PPP1R16B: variants seen among roughly 807,000 people sequenced by gnomAD.
The protein encoded by PPP1R16B is protein phosphatase 1 regulatory subunit 16B.
In PPP1R16B, 14 loss-of-function variants were observed where a neutral mutation model predicts 61.7. The observed-to-expected ratio is 0.23, with a 90% CI of 0.15 to 0.35. The LOEUF is 0.35. Ranked by LOEUF, PPP1R16B falls within the 10% of genes least tolerant of loss-of-function variation. The pLI is 1.00. For missense variants in PPP1R16B, 547 were observed against 752.5 expected, an observed-to-expected ratio of 0.73 and a Z score of 3.19; for synonymous variants, 266 against 305.3, an observed-to-expected ratio of 0.87 and a Z score of 1.34.
chr20:38,834,728 T>C (rs1305819083), intron 1 of PPP1R16B, among the ~76,000 whole-genome samples: 1 of 152,132 alleles, frequency 6.6e-6, no homozygotes, highest in African/African-American at 2.4e-5. Context: ...TTTTTAAGAA[T>C]AGCATTAATT....
intron 1 of PPP1R16B, among the ~76,000 whole-genome samples, chr20:38,824,469 C>T (rs1177811441): frequency 6.6e-6 from 1 of 152,008 alleles, no homozygotes; most frequent in Non-Finnish European, 1.5e-5. Flanking sequence ...GAGATTTTCC[C>T]AGTTCCTTCT....
chr20:38,814,101 G>A (rs945358071), intron 1 of PPP1R16B, among the ~76,000 whole-genome samples: 2 of 152,086 alleles, frequency 1.3e-5, no homozygotes, highest in Non-Finnish European at 2.9e-5. Context: ...CTGGCCAGGT[G>A]TGACTTTAGT....
At chr20:38,849,515 C>T (rs572800435) in intron 2 of PPP1R16B, among the ~76,000 whole-genome samples, 10 of 152,234 alleles carry the variant, frequency 6.6e-5, no homozygotes, top group African/African-American at 1.7e-4. Flanking sequence ...TCACTTTCCT[C>T]GTTCTGGTTG....
chr20:38,908,268 T>C (rs2085462653), intron 10 of PPP1R16B, 75 bp downstream of exon 10: 3 of 1,557,646 alleles, frequency 1.9e-6, no homozygotes, highest in Non-Finnish European at 2.6e-6. Flanking sequence ...TGGCCTTGCC[T>C]CTTCAACTGA....
At chr20:38,827,612 G>C (rs375058587) in intron 1 of PPP1R16B, among the ~76,000 whole-genome samples, 81 of 152,300 alleles carry the variant, frequency 5.3e-4, no homozygotes, top group African/African-American at 1.9e-3. Context: ...CAGGAGATCT[G>C]TCTATGATGG....
chr20:38,907,676 C>T lies in PPP1R16B; in HGVS notation c.899-130C>T. 1 of 1,270,124 alleles carries T rather than the reference C, an allele frequency of 7.9e-7. No homozygotes were observed. The highest frequency in any genetic ancestry group is 1.1e-6 in the Non-Finnish European group (1 of 912,972). The allele number at this position is 1,270,124 out of a possible 1,614,324, so 78.7% of individuals were successfully genotyped here. A position where few individuals can be genotyped will look rare whatever the true frequency, so the allele number is the denominator to read the frequency against. ...ACTTTGGCTGGCATTGTTTTCTTGC[C>T]TCCCTGCATGCCCTGAAAGATGCTT... On this transcript the variant is annotated intron_variant, in intron 8 of 10. Coordinates refer to ENST00000299824, the MANE Select transcript of PPP1R16B (RefSeq NM_015568.4). The surrounding 1 kb of genome is among the most constrained non-coding windows in gnomAD (Gnocchi z 4.5).
intron 6 of PPP1R16B, 51 bp downstream of exon 6, chr20:38,902,843 G>A (rs1394284462): frequency 1.2e-6 from 2 of 1,611,454 alleles, no homozygotes; most frequent in Non-Finnish European, 8.5e-7. Context: ...TCCGAAGTGG[G>A]CCAGCACCTG....
intron 2 of PPP1R16B, 151 bp downstream of exon 2, chr20:38,836,326 C>T (rs1426457649): frequency 8.6e-7 from 1 of 1,167,292 alleles, no homozygotes; most frequent in African/African-American, 1.6e-5. Flanking sequence ...AGGAAGTGGA[C>T]GTTCCTAGGA....
intron 10 of PPP1R16B, among the ~76,000 whole-genome samples, chr20:38,917,676 G>A (rs2085553502): frequency 6.6e-6 from 1 of 152,192 alleles, no homozygotes. Context: ...AGCCTGGAAG[G>A]ATCCTGGACT....
At chr20:38,807,765 C>G (rs1473482000) in intron 1 of PPP1R16B, among the ~76,000 whole-genome samples, 1 of 152,170 alleles carries the variant, frequency 6.6e-6, no homozygotes, top group Admixed American at 6.5e-5. Flanking sequence ...AACAGTGTTC[C>G]CCTGTCCTGG....
intron 2 of PPP1R16B, among the ~76,000 whole-genome samples, chr20:38,865,643 C>T (rs995227861): frequency 1.3e-5 from 2 of 152,200 alleles, no homozygotes; most frequent in Non-Finnish European, 2.9e-5. Flanking sequence ...ACGTCCTGCA[C>T]AGGTGGGCTC....
chr20:38,910,014 C>T (rs1416176763), intron 10 of PPP1R16B, among the ~76,000 whole-genome samples: 1 of 152,166 alleles, frequency 6.6e-6, no homozygotes, highest in Non-Finnish European at 1.5e-5. Context: ...GAGCCTCGCT[C>T]TGTTACCCAG....
In PPP1R16B at chr20:38,836,045, C is replaced by G; in HGVS notation, c.120C>G (p.Tyr40Ter). 1 of 1,608,262 alleles carries G rather than the reference C, an allele frequency of 6.2e-7. No individual in the cohort carries two copies. Among genetic ancestry groups the G allele is most frequent in the Non-Finnish European group, 8.5e-7 (1 of 1,178,120 alleles). ...RAQQLKKWAQ[Y>*]EQDLQHRKRK... Reference sequence around the variant, plus strand: ...AGCAGCTGAAGAAATGGGCACAGTACGAGCAGGACTTGCAGCACCGCAAGC... The same window carrying G: ...AGCAGCTGAAGAAATGGGCACAGTAGGAGCAGGACTTGCAGCACCGCAAGC... Residue 40 changes from tyrosine (Y) to a stop codon, truncating the protein, a stop_gained, in exon 2 of 11, where the codon TAC becomes TAG. Coordinates refer to ENST00000299824, the MANE Select transcript of PPP1R16B (RefSeq NM_015568.4). LOFTEE classifies it high-confidence loss of function.
chr20:38,832,118 G>A (rs77950950), intron 1 of PPP1R16B, among the ~76,000 whole-genome samples: 4,111 of 152,282 alleles, frequency 0.027, 188 homozygotes, highest in African/African-American at 0.093. Flanking sequence ...TGAGAACCCC[G>A]GGCAGACTGG....
At chr20:38,815,249 GT>G (rs200911746) in intron 1 of PPP1R16B, among the ~76,000 whole-genome samples, 1,767 of 152,126 alleles carry the variant, frequency 0.012, 14 homozygotes, top group Non-Finnish European at 0.019. Context: ...TCATTTACAT[GT>G]TTATCCATTT....
chr20:38,845,546 C>G (rs559604672), intron 2 of PPP1R16B, among the ~76,000 whole-genome samples: 1 of 152,276 alleles, frequency 6.6e-6, no homozygotes, highest in Admixed American at 6.5e-5. Flanking sequence ...TCTGCTAGAG[C>G]TGTGGTATCA....
intron 2 of PPP1R16B, among the ~76,000 whole-genome samples, chr20:38,867,565 G>T (rs1425746753): frequency 6.6e-6 from 1 of 152,198 alleles, no homozygotes; most frequent in African/African-American, 2.4e-5. Context: ...ATGAAGCCTT[G>T]CTTTAGCACA....
chr20:38,819,194 A>G (rs2084757970), intron 1 of PPP1R16B, among the ~76,000 whole-genome samples: 1 of 152,142 alleles, frequency 6.6e-6, no homozygotes, highest in African/African-American at 2.4e-5. Flanking sequence ...CAATTACTTA[A>G]CCCTATGGAG....
intron 10 of PPP1R16B, among the ~76,000 whole-genome samples, chr20:38,913,714 G>A (rs1027120836): frequency 6.6e-6 from 1 of 152,172 alleles, no homozygotes; most frequent in African/African-American, 2.4e-5. Flanking sequence ...AAGGACTGAG[G>A]GTTGGGGGTG....
Sources: allele counts gnomAD v4.1 joint callset (sites outside exome capture counted in the v4.1 genomes callset), GRCh38; gene constraint gnomAD v4.1.1; non-coding constraint Gnocchi (gnomAD v3.1); transcripts MANE v1.5; gene names NCBI Gene and HGNC (gene_info 2026-07-23, HGNC 2026-07-21).